Variants in SLC8A3 observed in about 807,000 individuals in gnomAD.
The protein encoded by SLC8A3 is solute carrier family 8 member A3.
In SLC8A3, 37 loss-of-function variants were observed where a neutral mutation model predicts 65.4. The ratio of observed to expected loss-of-function variants is 0.57; its 90% confidence interval spans 0.44 to 0.74. SLC8A3 has a LOEUF of 0.74. Ranked by LOEUF, SLC8A3 falls within the 30% of genes least tolerant of loss-of-function variation. SLC8A3 has a pLI of 0.00. For synonymous variants in SLC8A3, 461 were observed against 444.5 expected (o/e 1.04, Z -0.47); for missense variants, 1,112 against 1,172.1 (o/e 0.95, Z 0.75).
chr14:70,138,489 C>T (rs1385945385), intron 2 of SLC8A3, among the ~76,000 whole-genome samples: 1 of 152,228 alleles, frequency 6.6e-6, no homozygotes, highest in East Asian at 1.9e-4. Context: ...GCTCTGAACT[C>T]ATGGCTCTGC....
chr14:70,176,378 A>G (rs1319964787), intron 1 of SLC8A3, among the ~76,000 whole-genome samples: 1 of 152,220 alleles, frequency 6.6e-6, no homozygotes, highest in African/African-American at 2.4e-5. Flanking sequence ...ATGGAGTTCT[A>G]AAAAATACAG....
chr14:70,109,238 G>A (rs1181069482), intron 2 of SLC8A3, among the ~76,000 whole-genome samples: 3 of 140,178 alleles, frequency 2.1e-5, no homozygotes, highest in Non-Finnish European at 3.0e-5. Flanking sequence ...TACATGTGCT[G>A]AACATGCAGG....
intron 2 of SLC8A3, among the ~76,000 whole-genome samples, chr14:70,110,829 C>T (rs376128930): frequency 2.6e-5 from 4 of 151,964 alleles, no homozygotes; most frequent in African/African-American, 7.3e-5. Flanking sequence ...TACAGGTGCC[C>T]GCCACCGCGC....
chr14:70,153,751 G>A (rs965384783), intron 2 of SLC8A3, among the ~76,000 whole-genome samples: 5 of 152,196 alleles, frequency 3.3e-5, no homozygotes, highest in African/African-American at 7.2e-5. Flanking sequence ...GGTCAACAGG[G>A]CTGGCATAGG....
intron 3 of SLC8A3, among the ~76,000 whole-genome samples, chr14:70,052,457 A>G (rs981122642): frequency 1.3e-5 from 2 of 152,210 alleles, no homozygotes; most frequent in African/African-American, 4.8e-5. Context: ...TTGACCTTGA[A>G]CTATTTTGAA....
chr14:70,186,716 C>G (rs1240930594), intron 1 of SLC8A3, among the ~76,000 whole-genome samples: 1 of 152,120 alleles, frequency 6.6e-6, no homozygotes. Flanking sequence ...TTGATCAGTC[C>G]ACATCTAGTT....
At chr14:70,086,401 C>CTTTT (rs10605312) in intron 2 of SLC8A3, among the ~76,000 whole-genome samples, 10 of 116,124 alleles carry the variant, frequency 8.6e-5, no homozygotes, top group Non-Finnish European at 1.3e-4. Context: ...TTTCTTTTTT[C>CTTTT]TTTTTTTTTT....
At chr14:70,180,523 C>T (rs1031171754) in intron 1 of SLC8A3, among the ~76,000 whole-genome samples, 2 of 152,134 alleles carry the variant, frequency 1.3e-5, no homozygotes, top group African/African-American at 2.4e-5. Context: ...AGGTTGATTC[C>T]TCTATTAGTT....
chr14:70,176,016 G>C (rs1344355348), intron 1 of SLC8A3, among the ~76,000 whole-genome samples: 1 of 152,102 alleles, frequency 6.6e-6, no homozygotes, highest in Non-Finnish European at 1.5e-5. Flanking sequence ...TTTTTTGTTT[G>C]TAAAAATGCA....
chr14:70,116,268 C>T (rs1893650995), intron 2 of SLC8A3, among the ~76,000 whole-genome samples: 1 of 151,864 alleles, frequency 6.6e-6, no homozygotes, highest in Non-Finnish European at 1.5e-5. Flanking sequence ...GGGGTGGAAC[C>T]AGATACTACA....
At chr14:70,063,986 C>T (rs1042580908) in intron 2 of SLC8A3, 1 of 980,904 alleles carries the variant, frequency 1.0e-6, no homozygotes, top group South Asian at 1.4e-5. Context: ...ACAAGTCAGC[C>T]AGCAGACAAA....
At chr14:70,137,576 G>A (rs186737276) in intron 2 of SLC8A3, among the ~76,000 whole-genome samples, 42 of 152,328 alleles carry the variant, frequency 2.8e-4, no homozygotes, top group Admixed American at 2.4e-3. Flanking sequence ...ATTCAGCACT[G>A]TGGTTATTGA....
chr14:70,162,610 C>T (rs371121453), intron 2 of SLC8A3, among the ~76,000 whole-genome samples: 1 of 152,162 alleles, frequency 6.6e-6, no homozygotes, highest in Admixed American at 6.5e-5. Flanking sequence ...TTTGCAAAGG[C>T]GTGCTGAGAG....
At chr14:70,076,172 G>A (rs1890500115) in intron 2 of SLC8A3, among the ~76,000 whole-genome samples, 1 of 152,106 alleles carries the variant, frequency 6.6e-6, no homozygotes, top group Admixed American at 6.5e-5. Context: ...TGCTTCCTCT[G>A]CCTGGAGCTT....
intron 2 of SLC8A3, among the ~76,000 whole-genome samples, chr14:70,150,721 A>G (rs1398462795): frequency 1.3e-5 from 2 of 152,176 alleles, no homozygotes; most frequent in Non-Finnish European, 2.9e-5. Context: ...ATTTTGGGAT[A>G]AGCAGGTAAC....
At chr14:70,055,200 A>G (rs1254516372) in intron 3 of SLC8A3, among the ~76,000 whole-genome samples, 2 of 152,176 alleles carry the variant, frequency 1.3e-5, no homozygotes, top group East Asian at 3.9e-4. Flanking sequence ...CCCCATCCTA[A>G]TTCATCTTGT....
intron 2 of SLC8A3, among the ~76,000 whole-genome samples, chr14:70,078,401 A>G (rs1338729485): frequency 6.6e-6 from 1 of 152,140 alleles, no homozygotes; most frequent in African/African-American, 2.4e-5. Context: ...ATTTGTTTAG[A>G]CAGCATTTTT....
intron 1 of SLC8A3, among the ~76,000 whole-genome samples, chr14:70,188,073 C>T (rs996578922): frequency 3.3e-5 from 5 of 152,126 alleles, no homozygotes; most frequent in African/African-American, 1.2e-4. Context: ...ACTGTACCCA[C>T]CTGCCCAGGC....
At chr14:70,130,905 G>A (rs975372555) in intron 2 of SLC8A3, among the ~76,000 whole-genome samples, 8 of 152,346 alleles carry the variant, frequency 5.3e-5, no homozygotes, top group African/African-American at 1.4e-4. Flanking sequence ...GAAATGCCTA[G>A]CAGGCAAATG....
Sources: allele counts gnomAD v4.1 joint callset (sites outside exome capture counted in the v4.1 genomes callset), GRCh38; gene constraint gnomAD v4.1.1; transcripts MANE v1.5; gene names NCBI Gene and HGNC (gene_info 2026-07-23, HGNC 2026-07-21).